RAD51B: variants seen among roughly 807,000 people sequenced by gnomAD.
RAD51B encodes RAD51 paralog B.
RAD51B carries 38 observed loss-of-function variants against 42.2 expected under a neutral mutation model. That is an observed-to-expected ratio of 0.90 (90% CI 0.70 to 1.18). RAD51B has a LOEUF of 1.18. Ranked by LOEUF, RAD51B falls within the 50% of genes most tolerant of loss-of-function variation. RAD51B has a pLI of 0.00. For missense variants in RAD51B, 373 were observed against 400.7 expected (o/e 0.93, Z 0.59); for synonymous variants, 154 against 145.2 (o/e 1.06, Z -0.43).
chr14:68,634,657 C>T (rs1421005452), intron 10 of RAD51B, among the ~76,000 whole-genome samples: 7 of 152,068 alleles, frequency 4.6e-5, no homozygotes, highest in African/African-American at 1.7e-4. Flanking sequence ...ACCACCTTGG[C>T]GGCCACCACT....
chr14:67,915,383 G>C (rs2044117687), intron 7 of RAD51B, among the ~76,000 whole-genome samples: 1 of 152,150 alleles, frequency 6.6e-6, no homozygotes, highest in Non-Finnish European at 1.5e-5. Context: ...ATTGGGTCTT[G>C]GAGAAAGGAA....
At chr14:68,460,809 T>C (rs1232876923) in intron 9 of RAD51B, among the ~76,000 whole-genome samples, 1 of 152,174 alleles carries the variant, frequency 6.6e-6, no homozygotes, top group African/African-American at 2.4e-5. Flanking sequence ...GCCAAGAATC[T>C]TGGCAGTGAT....
intron 9 of RAD51B, among the ~76,000 whole-genome samples, chr14:68,462,327 A>G (rs2085865270): frequency 6.6e-6 from 1 of 152,200 alleles, no homozygotes; most frequent in Non-Finnish European, 1.5e-5. Flanking sequence ...TGTCAGCTCT[A>G]TGAGATCAAG....
intron 7 of RAD51B, among the ~76,000 whole-genome samples, chr14:67,945,244 G>A (rs1664776296): frequency 6.6e-6 from 1 of 152,190 alleles, no homozygotes; most frequent in Non-Finnish European, 1.5e-5. Context: ...TTTGTGTACA[G>A]CCTAAGACCA....
intron 7 of RAD51B, among the ~76,000 whole-genome samples, chr14:68,090,655 A>G (rs897547670): frequency 6.6e-6 from 1 of 151,392 alleles, no homozygotes; most frequent in African/African-American, 2.4e-5. Context: ...AAAAATGTTC[A>G]TAGTCTGGGT....
At chr14:68,552,640 A>G (rs538005274) in intron 10 of RAD51B, among the ~76,000 whole-genome samples, 1 of 152,186 alleles carries the variant, frequency 6.6e-6, no homozygotes, top group African/African-American at 2.4e-5. Context: ...GTATTTTTTT[A>G]AAAATAAATT....
intron 8 of RAD51B, among the ~76,000 whole-genome samples, chr14:68,312,864 G>A (rs771927227): frequency 2.0e-4 from 30 of 152,182 alleles, no homozygotes; most frequent in Non-Finnish European, 3.7e-4. Flanking sequence ...GCCTGGTTAT[G>A]TGTATTAAGC....
At chr14:68,157,497 T>C (rs1469747835) in intron 7 of RAD51B, among the ~76,000 whole-genome samples, 1 of 152,178 alleles carries the variant, frequency 6.6e-6, no homozygotes, top group Non-Finnish European at 1.5e-5. Flanking sequence ...ACTAAAATAG[T>C]CTGAGAAGTC....
At chr14:68,328,678 A>G (rs1317671140) in intron 8 of RAD51B, among the ~76,000 whole-genome samples, 1 of 152,014 alleles carries the variant, frequency 6.6e-6, no homozygotes, top group African/African-American at 2.4e-5. Context: ...GGTCAGACCA[A>G]ACGAGTTTCA....
intron 7 of RAD51B, among the ~76,000 whole-genome samples, chr14:67,925,503 C>T (rs2044475070): frequency 6.6e-6 from 1 of 152,040 alleles, no homozygotes; most frequent in Non-Finnish European, 1.5e-5. Flanking sequence ...GAACTCCTGA[C>T]CTTGTGATCT....
chr14:68,317,843 C>A (rs1200724456), intron 8 of RAD51B, among the ~76,000 whole-genome samples: 1 of 152,194 alleles, frequency 6.6e-6, no homozygotes, highest in East Asian at 1.9e-4. Context: ...GGCTCAGGGA[C>A]AGGAGAACTT....
intron 9 of RAD51B, among the ~76,000 whole-genome samples, chr14:68,460,252 G>C (rs957479394): frequency 6.6e-5 from 10 of 152,158 alleles, no homozygotes; most frequent in African/African-American, 2.2e-4. Flanking sequence ...AGGAGTTCGA[G>C]ACCAGCCTGG....
intron 8 of RAD51B, among the ~76,000 whole-genome samples, chr14:68,356,896 T>C (rs1315368513): frequency 7.0e-6 from 1 of 143,032 alleles, no homozygotes; most frequent in Non-Finnish European, 1.5e-5. Context: ...GGCAGGAGAA[T>C]GGCATGAACC....
rs538228070 is a variant in RAD51B at position 68,119,139 on chromosome 14, G to T, written c.757-172745G>T. Among the ~76,000 whole-genome samples the T allele has an allele frequency of 5.9e-5, 9 of 151,712 alleles. No homozygotes were observed. The East Asian group carries it at 1.2e-3, about 20-fold the overall frequency. ...TCTAATTTTTTTTTGTAGAGACAGG[G>T]TGTCACCATGTTGTCCATGTAGCTG... On this transcript the variant is annotated intron_variant, in intron 7 of 10. Transcript: ENST00000471583.
At chr14:67,828,570 T>C (rs1337063513) in intron 3 of RAD51B, among the ~76,000 whole-genome samples, 1 of 152,220 alleles carries the variant, frequency 6.6e-6, no homozygotes, top group Non-Finnish European at 1.5e-5. Flanking sequence ...ATGTTCTGAA[T>C]GGTATTGCCT....
At chr14:68,018,621 C>T (rs2075815709) in intron 7 of RAD51B, among the ~76,000 whole-genome samples, 1 of 152,052 alleles carries the variant, frequency 6.6e-6, no homozygotes, top group Non-Finnish European at 1.5e-5. Context: ...CCTTTTCTAC[C>T]TTGTTAAACC....
chr14:67,902,258 T>C (rs2043637213), intron 7 of RAD51B, among the ~76,000 whole-genome samples: 1 of 151,658 alleles, frequency 6.6e-6, no homozygotes, highest in East Asian at 1.9e-4. Flanking sequence ...CTAAACTTTA[T>C]AGAGGTTTTT....
chr14:68,595,460 C>A (rs1890951706), exon 11 of RAD51B: 1 of 1,066,480 alleles, frequency 9.4e-7, no homozygotes, highest in African/African-American at 1.6e-5. Context: ...ATTAAGAGAA[C>A]ATCCAAGGCC....
At position 68,682,910 on chromosome 14, in the gene RAD51B, C is replaced by CTTTTTTTT. The variant is rs535044457; in HGVS notation, c.*11+32067_*11+32074dup. 205 of 701,132 alleles carry CTTTTTTTT rather than the reference C, an allele frequency of 2.9e-4. 2 individuals carry two copies. Among genetic ancestry groups the CTTTTTTTT allele is most frequent in the East Asian group, 2.0e-3 (10 of 5,026 alleles). 43.4% of individuals were successfully genotyped at this position (701,132 alleles called of 1,614,324 possible). On this transcript the variant is annotated intron_variant, in intron 11 of 11. Transcript: ENST00000488612. The stretch of plus-strand genomic sequence containing the variant: ...TTTAATAAAAATCTGTAGCTTATGG[C>CTTTTTTTT]TTTTTTTTTTTTTTTTTTTTGTATA...
Sources: allele counts gnomAD v4.1 joint callset (sites outside exome capture counted in the v4.1 genomes callset), GRCh38; gene constraint gnomAD v4.1.1; transcripts MANE v1.5; gene names NCBI Gene and HGNC (gene_info 2026-07-23, HGNC 2026-07-21).